The following SEMA4B variants were observed in gnomAD, a reference collection of about 807,000 sequenced individuals.
The protein encoded by SEMA4B is semaphorin-4B.
In SEMA4B, 55 loss-of-function variants were observed where a neutral mutation model predicts 88.1. The observed-to-expected ratio is 0.62, with a 90% CI of 0.50 to 0.78. The LOEUF is 0.78. SEMA4B is among the 30% of genes least tolerant of loss of function. The probability of loss-of-function intolerance (pLI) is 0.00; values close to 1 mark genes in which losing one functional copy is unlikely to be tolerated. For synonymous variants in SEMA4B, 525 were observed against 473.6 expected, an observed-to-expected ratio of 1.11 and a Z score of -1.41; for missense variants, 1,062 against 1,111.9, an observed-to-expected ratio of 0.96 and a Z score of 0.64.
chr15:90,218,909 A>T (rs1239857569), intron 3 of SEMA4B, among the ~76,000 whole-genome samples: 1 of 152,140 alleles, frequency 6.6e-6, no homozygotes, highest in Non-Finnish European at 1.5e-5. Context: ...GTGACATTTG[A>T]GCCAAGATCA....
chr15:90,227,745 C>A, intron 13 of SEMA4B, 103 bp downstream of exon 13: 2 of 1,455,526 alleles, frequency 1.4e-6, no homozygotes, highest in East Asian at 4.7e-5. Flanking sequence ...CACTTCCTTG[C>A]CCCCTACCCC....
intron 1 of SEMA4B, among the ~76,000 whole-genome samples, chr15:90,202,039 T>G (rs1960770411): frequency 6.6e-6 from 1 of 152,228 alleles, no homozygotes; most frequent in Non-Finnish European, 1.5e-5. Flanking sequence ...CCCATCTACT[T>G]GTCTTTGATG....
chr15:90,226,836 CTTCGTG>C (rs1962197669), intron 12 of SEMA4B, among the ~76,000 whole-genome samples: 1 of 151,974 alleles, frequency 6.6e-6, no homozygotes, highest in Non-Finnish European at 1.5e-5. Flanking sequence ...TGTTTTCATC[CTTCGTG>C]CCTGGTTGAC....
Position 90,228,460 on chromosome 15 carries a change from C to G in SEMA4B, c.2331C>G (p.Pro777=). 6.2e-7 allele frequency: 1 copy of G among 1,610,364 alleles called. No individual in the cohort carries two copies. The highest frequency in any genetic ancestry group is 1.3e-5 in the African/African-American group (1 of 74,960). ...PETRPLNGLG[P]PSTPLDHRGY... ...CCCGCCCACTCAACGGCCTAGGGCC[C>G]CCTAGCACCCCGCTCGATCACCGAG... The change falls in exon 14 of 14, where the codon CCC becomes CCG. Residue 777 remains proline (P), a synonymous_variant. Coordinates refer to ENST00000411539, the MANE Select transcript of SEMA4B (RefSeq NM_198925.4).
intron 3 of SEMA4B, 170 bp from the exon 4 acceptor site, chr15:90,219,623 G>A (rs550995612): frequency 5.0e-6 from 3 of 598,558 alleles, no homozygotes; most frequent in African/African-American, 3.7e-5. Context: ...CTCTGTGCAC[G>A]CTCCACTGTG....
chr15:90,209,081 C>T (rs1234579278), intron 1 of SEMA4B, among the ~76,000 whole-genome samples: 1 of 152,162 alleles, frequency 6.6e-6, no homozygotes, highest in Non-Finnish European at 1.5e-5. Context: ...CCACGTTGCC[C>T]CATTTTTATC....
intron 9 of SEMA4B, 140 bp downstream of exon 9, chr15:90,224,128 T>A: frequency 1.3e-6 from 1 of 747,316 alleles, no homozygotes; most frequent in Non-Finnish European, 2.1e-6. Context: ...TATGGGGATA[T>A]AGGCCCAGGC....
intron 7 of SEMA4B, among the ~76,000 whole-genome samples, chr15:90,222,860 C>T (rs564683282): frequency 7.9e-6 from 1 of 126,990 alleles, no homozygotes; most frequent in Admixed American, 7.6e-5. Context: ...ATGTTATTAC[C>T]CCACCACCCC....
At position 90,223,995 on chromosome 15, in the gene SEMA4B, A is replaced by G; in HGVS notation, c.1194+7A>G. On this transcript the variant is annotated splice_region_variant and intron_variant, in intron 9 of 13. Coordinates refer to ENST00000411539, the MANE Select transcript of SEMA4B (RefSeq NM_198925.4). Reference sequence around the variant, plus strand: ...CACACCCCGGCCTGGAGCGGTGGGTACTGGCTCCCTGCACCCAGAAGGGGT... The same window carrying G: ...CACACCCCGGCCTGGAGCGGTGGGTGCTGGCTCCCTGCACCCAGAAGGGGT... 6.2e-7 allele frequency: 1 copy of G among 1,605,956 alleles called. No homozygotes were observed. The highest frequency in any genetic ancestry group is 8.5e-7 in the Non-Finnish European group (1 of 1,174,806).
intron 1 of SEMA4B, among the ~76,000 whole-genome samples, chr15:90,203,119 A>T (rs1960825053): frequency 6.6e-6 from 1 of 152,230 alleles, no homozygotes; most frequent in South Asian, 2.1e-4. Flanking sequence ...AGTCGTTAGG[A>T]CAGGGCCTGG....
chr15:90,223,447 C>T (rs1351872294), intron 7 of SEMA4B, 112 bp from the exon 8 acceptor site: 2 of 946,764 alleles, frequency 2.1e-6, no homozygotes, highest in Non-Finnish European at 3.0e-6. Flanking sequence ...TGGCCTTCTC[C>T]TGCCCTTCAG....
chr15:90,188,949 A>G (rs925183418), intron 1 of SEMA4B, among the ~76,000 whole-genome samples: 3 of 152,178 alleles, frequency 2.0e-5, no homozygotes, highest in Non-Finnish European at 4.4e-5. Context: ...GATTATAGGC[A>G]TGAGCCACCG....
chr15:90,216,066 G>A (rs961618967), intron 1 of SEMA4B, among the ~76,000 whole-genome samples: 5 of 150,210 alleles, frequency 3.3e-5, no homozygotes, highest in South Asian at 2.1e-4. Flanking sequence ...TCAGCTCACC[G>A]CAACCTCTGC....
In SEMA4B at chr15:90,225,304, A is replaced by T. The variant is rs1203966492; in HGVS notation, c.1428A>T (p.Ala476=). 6.4e-7 allele frequency: 1 copy of T among 1,558,976 alleles called. No homozygotes were observed. Among genetic ancestry groups the T allele is most frequent in the Admixed American group, 1.9e-5 (1 of 51,658 alleles). Residue 476 remains alanine (A), a synonymous_variant, in exon 11 of 14, where the codon GCA becomes GCT. Coordinates refer to ENST00000411539, the MANE Select transcript of SEMA4B (RefSeq NM_198925.4). ...LGTGDGRLHK[A]VSVGPRVHII... is the part of the protein sequence containing the mutation. ...CAGGTGACGGCCGGCTCCACAAGGC[A>T]GTGAGCGTGGGCCCCCGGGTGCACA... is the stretch of plus-strand genomic sequence containing the variant.
chr15:90,227,857 A>G, intron 13 of SEMA4B, 47 bp from the exon 14 acceptor site: 1 of 1,602,678 alleles, frequency 6.2e-7, no homozygotes, highest in Non-Finnish European at 8.5e-7. Flanking sequence ...GCTTGGAGCT[A>G]CTGTGGACGC....
intron 9 of SEMA4B, 105 bp from the exon 10 acceptor site, chr15:90,224,863 G>C: frequency 1.1e-6 from 1 of 927,762 alleles, no homozygotes; most frequent in Non-Finnish European, 1.7e-6. Flanking sequence ...CCCTGGCTCC[G>C]GGCGGGGGGA....
chr15:90,186,311 G>A (rs1027389291), intron 1 of SEMA4B, among the ~76,000 whole-genome samples: 4 of 152,192 alleles, frequency 2.6e-5, no homozygotes, highest in African/African-American at 9.6e-5. Context: ...AACTGTTGGT[G>A]ACAGGTAATC....
At chr15:90,202,002 G>A (rs2151593865) in intron 1 of SEMA4B, among the ~76,000 whole-genome samples, 3 of 152,380 alleles carry the variant, frequency 2.0e-5, no homozygotes, top group East Asian at 3.9e-4. Flanking sequence ...TCCCTTAGGA[G>A]GATGCACTTT....
At chr15:90,211,888 T>C (rs960134947) in intron 1 of SEMA4B, among the ~76,000 whole-genome samples, 3 of 151,986 alleles carry the variant, frequency 2.0e-5, no homozygotes, top group African/African-American at 4.8e-5. Flanking sequence ...GAGGGTGGGA[T>C]GTTAGGGCCA....
Sources: gnomAD v4.1 joint callset for allele counts (sites outside exome capture counted in the v4.1 genomes callset) on GRCh38, gnomAD v4.1.1 for gene constraint, MANE v1.5 for transcripts, NCBI Gene and HGNC (gene_info 2026-07-23, HGNC 2026-07-21) for gene names.